NAALADL2: variants seen among roughly 807,000 people sequenced by gnomAD.
NAALADL2 encodes inactive N-acetylated-alpha-linked acidic dipeptidase-like protein 2.
A neutral mutation model predicts 87.2 loss-of-function variants in NAALADL2; 76 were observed. That is an observed-to-expected ratio of 0.87 (90% CI 0.72 to 1.05). The LOEUF is 1.05. Among genes scored for constraint, NAALADL2 ranks in the 50% least tolerant of loss-of-function variants. The pLI is 0.00. For synonymous variants in NAALADL2, 354 were observed against 331.0 expected (o/e 1.07, Z -0.75); for missense variants, 1,089 against 945.8 (o/e 1.15, Z -1.99).
chr3:175,362,746 A>C (rs1159116850), intron 5 of NAALADL2, among the ~76,000 whole-genome samples: 1 of 148,104 alleles, frequency 6.8e-6, no homozygotes, highest in African/African-American at 2.5e-5. Context: ...TGGTTCTTTA[A>C]GGAATCGCCA....
At chr3:174,568,084 T>A (rs1009407888) in intron 2 of NAALADL2, among the ~76,000 whole-genome samples, 6 of 151,776 alleles carry the variant, frequency 4.0e-5, no homozygotes. Flanking sequence ...TAAGTATTCA[T>A]GTCGTTTGTG....
At chr3:175,256,281 G>A in intron 3 of NAALADL2, 130 bp from the exon 4 acceptor site, 3 of 831,448 alleles carry the variant, frequency 3.6e-6, no homozygotes, top group Non-Finnish European at 1.8e-6. Flanking sequence ...TTGGGACAGG[G>A]TAAGAGATAG....
intron 10 of NAALADL2, among the ~76,000 whole-genome samples, chr3:175,591,772 G>GTT (rs1582536574): frequency 5.2e-5 from 1 of 19,196 alleles, no homozygotes; most frequent in East Asian, 2.8e-3. Context: ...CATGTGGTGT[G>GTT]TGTGTGTGTG....
chr3:174,980,724 T>G (rs1276720463), intron 1 of NAALADL2, among the ~76,000 whole-genome samples: 2 of 152,170 alleles, frequency 1.3e-5, no homozygotes, highest in East Asian at 3.8e-4. Context: ...TTATAATACA[T>G]AGGGCTAACA....
chr3:175,063,385 C>T (rs769970936), intron 1 of NAALADL2, among the ~76,000 whole-genome samples: 5 of 151,900 alleles, frequency 3.3e-5, no homozygotes, highest in Admixed American at 1.3e-4. Context: ...ACAAATCCTT[C>T]GAAACATAGA....
At chr3:174,609,883 T>A (rs1391935831) in intron 2 of NAALADL2, among the ~76,000 whole-genome samples, 1 of 152,114 alleles carries the variant, frequency 6.6e-6, no homozygotes, top group Non-Finnish European at 1.5e-5. Flanking sequence ...AGAACAAAGC[T>A]GGAGGCATCA....
chr3:175,493,870 T>G (rs916636857), intron 9 of NAALADL2, among the ~76,000 whole-genome samples: 39 of 152,146 alleles, frequency 2.6e-4, no homozygotes, highest in African/African-American at 8.7e-4. Flanking sequence ...CTGTACTATC[T>G]GTGGAGTCTT....
At chr3:174,490,355 T>G (rs1479383794) in intron 1 of NAALADL2, among the ~76,000 whole-genome samples, 2 of 152,080 alleles carry the variant, frequency 1.3e-5, no homozygotes, top group African/African-American at 4.8e-5. Context: ...AATTGGTAAA[T>G]GTACAGAGAC....
intron 3 of NAALADL2, among the ~76,000 whole-genome samples, chr3:174,782,832 T>A (rs1716156854): frequency 6.6e-6 from 1 of 151,976 alleles, no homozygotes; most frequent in Non-Finnish European, 1.5e-5. Context: ...AGCATGGAGG[T>A]AACCGCCCCC....
At chr3:175,022,958 T>G (rs533050776) in intron 1 of NAALADL2, among the ~76,000 whole-genome samples, 1 of 152,214 alleles carries the variant, frequency 6.6e-6, no homozygotes, top group African/African-American at 2.4e-5. Context: ...GTTTGTTTGT[T>G]TTAATTACGT....
intron 11 of NAALADL2, among the ~76,000 whole-genome samples, chr3:175,701,044 T>G (rs2149965893): frequency 1.3e-5 from 2 of 152,256 alleles, no homozygotes; most frequent in Middle Eastern, 3.4e-3. Context: ...CTAGGTCTAC[T>G]TATTCAGAGC....
chr3:174,671,125 C>T (rs1726491851), intron 2 of NAALADL2, among the ~76,000 whole-genome samples: 1 of 152,052 alleles, frequency 6.6e-6, no homozygotes. Flanking sequence ...GGCTGTGGTA[C>T]CGTGAACCAA....
chr3:175,511,872 A>T (rs1731206582), intron 9 of NAALADL2, among the ~76,000 whole-genome samples: 1 of 152,176 alleles, frequency 6.6e-6, no homozygotes, highest in Non-Finnish European at 1.5e-5. Flanking sequence ...TTACAATCAT[A>T]CTTTAACCTA....
At chr3:175,079,542 T>C (rs184211284) in intron 1 of NAALADL2, 11 of 152,262 alleles carry the variant, frequency 7.2e-5, no homozygotes, top group Non-Finnish European at 1.3e-4. Context: ...TTTTGAAAAA[T>C]TTTTCTAACA....
intron 3 of NAALADL2, among the ~76,000 whole-genome samples, chr3:174,806,718 T>A (rs537806128): frequency 1.3e-4 from 20 of 152,316 alleles, no homozygotes; most frequent in Admixed American, 3.9e-4. Flanking sequence ...ACTTCTACAC[T>A]TTCTCAGGTT....
At chr3:175,443,932 G>T (rs1720246870) in intron 5 of NAALADL2, among the ~76,000 whole-genome samples, 1 of 152,162 alleles carries the variant, frequency 6.6e-6, no homozygotes, top group Admixed American at 6.5e-5. Flanking sequence ...TTGTAAGTTG[G>T]GCTTTGAAGG....
chr3:174,544,295 T>C (rs1317118535), intron 1 of NAALADL2, among the ~76,000 whole-genome samples: 3 of 152,182 alleles, frequency 2.0e-5, no homozygotes, highest in African/African-American at 7.2e-5. Context: ...TCCTTCATTT[T>C]AATTAGAAGG....
intron 1 of NAALADL2, among the ~76,000 whole-genome samples, chr3:175,046,346 G>A (rs1754669345): frequency 6.6e-6 from 1 of 152,020 alleles, no homozygotes; most frequent in South Asian, 2.1e-4. Context: ...GACTATCAGG[G>A]ATTTATTACC....
intron 9 of NAALADL2, among the ~76,000 whole-genome samples, chr3:175,550,773 C>T (rs935805831): frequency 6.6e-6 from 1 of 152,086 alleles, no homozygotes; most frequent in Non-Finnish European, 1.5e-5. Flanking sequence ...GGGGGAACTT[C>T]CAATAAGGCA....
Sources: allele counts gnomAD v4.1 joint callset (sites outside exome capture counted in the v4.1 genomes callset), GRCh38; gene constraint gnomAD v4.1.1; transcripts MANE v1.5; gene names NCBI Gene and HGNC (gene_info 2026-07-23, HGNC 2026-07-21).